Variants in DNAH7 observed in about 807,000 individuals in gnomAD.
DNAH7 encodes axonemal beta dynein heavy chain 7.
In DNAH7, 397 loss-of-function variants were observed where a neutral mutation model predicts 444.6. The observed-to-expected ratio is 0.89, with a 90% CI of 0.82 to 0.97. The LOEUF is 0.97. DNAH7 is among the 50% of genes least tolerant of loss of function. DNAH7 has a pLI of 0.00. For missense variants in DNAH7, 4,902 were observed against 4,800.8 expected, an observed-to-expected ratio of 1.02 and a Z score of -0.62; for synonymous variants, 1,636 against 1,624.4, an observed-to-expected ratio of 1.01 and a Z score of -0.17.
At chr2:195,937,546 C>G (rs1689136863) in intron 19 of DNAH7, among the ~76,000 whole-genome samples, 1 of 152,096 alleles carries the variant, frequency 6.6e-6, no homozygotes, top group South Asian at 2.1e-4. Flanking sequence ...AAAAGCTGAT[C>G]TTAAAGAACT....
intron 61 of DNAH7, among the ~76,000 whole-genome samples, chr2:195,759,211 G>A (rs779484660): frequency 6.6e-6 from 1 of 152,192 alleles, no homozygotes; most frequent in Non-Finnish European, 1.5e-5. Flanking sequence ...TTCAGCCACA[G>A]TAGGATGGGG....
At chr2:196,061,674 AGGAACTGGAAAGAAAGT>A (rs1341922142) in intron 1 of DNAH7, among the ~76,000 whole-genome samples, 2 of 152,180 alleles carry the variant, frequency 1.3e-5, no homozygotes, top group African/African-American at 4.8e-5. Context: ...CCATGGTCTA[AGGAACTGGAAAGAAAGT>A]GGAGAGTGGA....
intron 63 of DNAH7, among the ~76,000 whole-genome samples, chr2:195,741,780 A>G (rs1043586121): frequency 6.6e-6 from 1 of 152,224 alleles, no homozygotes; most frequent in Non-Finnish European, 1.5e-5. Flanking sequence ...CTACTTGAGC[A>G]GTGCTGTCCA....
chr2:195,826,880 A>G (rs976074054), intron 48 of DNAH7, among the ~76,000 whole-genome samples: 1 of 152,160 alleles, frequency 6.6e-6, no homozygotes, highest in Admixed American at 6.5e-5. Context: ...ATTTTTGGCA[A>G]ATGGCTTTGA....
chr2:195,796,060 A>C (rs1351375011), intron 56 of DNAH7, among the ~76,000 whole-genome samples: 1 of 152,166 alleles, frequency 6.6e-6, no homozygotes, highest in African/African-American at 2.4e-5. Context: ...GCCAACCAGA[A>C]CAGGGAAGTC....
At chr2:196,053,460 C>T (rs981751435) in intron 2 of DNAH7, among the ~76,000 whole-genome samples, 1 of 152,214 alleles carries the variant, frequency 6.6e-6, no homozygotes, top group Non-Finnish European at 1.5e-5. Flanking sequence ...ATAATGCTAT[C>T]CTGTTTATGA....
intron 10 of DNAH7, among the ~76,000 whole-genome samples, chr2:196,009,676 G>C (rs2125713725): frequency 6.6e-6 from 1 of 152,248 alleles, no homozygotes; most frequent in Middle Eastern, 3.4e-3. Flanking sequence ...ATAACATCAA[G>C]CTAAAAAGCT....
chr2:196,019,134 T>C (rs749059422), intron 9 of DNAH7, 36 bp downstream of exon 9: 46 of 1,390,458 alleles, frequency 3.3e-5, no homozygotes, highest in Non-Finnish European at 4.1e-5. Context: ...CTTCCCTCTA[T>C]ATTTTAAAAA....
intron 24 of DNAH7, among the ~76,000 whole-genome samples, chr2:195,919,201 G>C (rs1687869393): frequency 6.8e-6 from 1 of 146,874 alleles, no homozygotes; most frequent in African/African-American, 2.6e-5. Flanking sequence ...AGTGAGCTGA[G>C]ATCACGCAGC....
At chr2:195,872,130 A>T (rs576029498) in intron 40 of DNAH7, 120 bp downstream of exon 40, 1 of 813,102 alleles carries the variant, frequency 1.2e-6, no homozygotes, top group East Asian at 2.7e-5. Context: ...GGCCTTCAAA[A>T]TGCCAAATAA....
chr2:195,914,976 T>A (rs1427111935), intron 24 of DNAH7, among the ~76,000 whole-genome samples: 1 of 152,178 alleles, frequency 6.6e-6, no homozygotes, highest in African/African-American at 2.4e-5. Flanking sequence ...CATTTACAAT[T>A]CTAATCATTC....
At chr2:196,007,233 T>C (rs1694432059) in intron 10 of DNAH7, among the ~76,000 whole-genome samples, 1 of 152,080 alleles carries the variant, frequency 6.6e-6, no homozygotes, top group Admixed American at 6.5e-5. Flanking sequence ...TAAAGACAAA[T>C]AGGCCAATGA....
In DNAH7 at chr2:195,785,524, G is replaced by A. The variant is rs560485685; in HGVS notation, c.10878+1486C>T. On this transcript the variant is annotated intron_variant, in intron 58 of 64. Coordinates refer to ENST00000312428, the MANE Select transcript of DNAH7 (RefSeq NM_018897.3). Reference sequence around the variant, plus strand: ...TCCATTTAAGTACAATTAGCTGTAGGTTTTTTGTATGTTTGTTTAATCAAG... The same window carrying A: ...TCCATTTAAGTACAATTAGCTGTAGATTTTTTGTATGTTTGTTTAATCAAG... Among the ~76,000 whole-genome samples the A allele has an allele frequency of 1.1e-4, 16 of 145,008 alleles. No individual in the cohort carries two copies. In the South Asian group the frequency reaches 3.3e-3, roughly 30 times the overall value.
At chr2:195,808,131 T>C (rs1696795240) in intron 53 of DNAH7, among the ~76,000 whole-genome samples, 1 of 152,182 alleles carries the variant, frequency 6.6e-6, no homozygotes. Flanking sequence ...TGGAAAAATA[T>C]TAGCCCTTGT....
At position 196,000,883 on chromosome 2, in the gene DNAH7, C is replaced by A; in HGVS notation, c.1174G>T (p.Asp392Tyr). ...GGATGTTCAAAAGCTCTAACAGAAT[C>A]CTGCAAAAAATTAAAAAATTTACAT... ...DFTDLIAQPP[D>Y]SVRAFEHPGF... is the part of the protein sequence containing the mutation. Residue 392 changes from aspartate (D) to tyrosine (Y), a missense_variant and splice_region_variant, in exon 12 of 65, where the codon GAT (aspartate) becomes TAT (tyrosine). Physicochemically the swap from Asp to Tyr is radical, Grantham distance 160. Coordinates refer to ENST00000312428, the MANE Select transcript of DNAH7 (RefSeq NM_018897.3). 6.4e-7 allele frequency: 1 copy of A among 1,554,630 alleles called. No individual in the cohort carries two copies. The highest frequency in any genetic ancestry group is 8.7e-7 in the Non-Finnish European group (1 of 1,155,298).
At chr2:196,067,853 A>G (rs1294688769) in intron 1 of DNAH7, among the ~76,000 whole-genome samples, 1 of 152,260 alleles carries the variant, frequency 6.6e-6, no homozygotes, top group Non-Finnish European at 1.5e-5. Context: ...AGGTTTATAG[A>G]GTCCTTTTCC....
At chr2:195,936,819 A>C in intron 19 of DNAH7, 27 bp from the exon 20 acceptor site, 1 of 1,418,622 alleles carries the variant, frequency 7.0e-7, no homozygotes, top group Non-Finnish European at 9.4e-7. Flanking sequence ...AAAACACTCA[A>C]TTCAAAAATA....
intron 51 of DNAH7, 118 bp downstream of exon 51, chr2:195,816,510 C>T (rs951155591): frequency 4.1e-6 from 3 of 726,600 alleles, no homozygotes. Context: ...TAATCAAGTT[C>T]ATTTTAGGTA....
At chr2:195,992,906 T>A (rs578187620) in intron 12 of DNAH7, among the ~76,000 whole-genome samples, 5 of 152,304 alleles carry the variant, frequency 3.3e-5, no homozygotes, top group African/African-American at 1.2e-4. Flanking sequence ...CATTCCTTCA[T>A]AGAGGAAGGG....
Sources: gnomAD v4.1 joint callset for allele counts (sites outside exome capture counted in the v4.1 genomes callset) on GRCh38, gnomAD v4.1.1 for gene constraint, MANE v1.5 for transcripts, NCBI Gene and HGNC (gene_info 2026-07-23, HGNC 2026-07-21) for gene names.